Variants in FBXW10 observed in about 807,000 individuals in gnomAD.
The protein encoded by FBXW10 is F-box/WD repeat-containing protein 10.
A neutral mutation model predicts 113.1 loss-of-function variants in FBXW10; 68 were observed. That is an observed-to-expected ratio of 0.60 (90% CI 0.49 to 0.74). The LOEUF (loss-of-function observed/expected upper bound fraction) is 0.74, where lower values mean the gene tolerates loss of function less well. FBXW10 is among the 30% of genes least tolerant of loss of function. The pLI, the probability that FBXW10 is intolerant of heterozygous loss-of-function variation, is 0.00. For synonymous variants in FBXW10, 289 were observed against 481.6 expected (o/e 0.60, Z 5.24); for missense variants, 753 against 1,284.5 (o/e 0.59, Z 6.32).
intron 13 of FBXW10, among the ~76,000 whole-genome samples, chr17:18,777,131 G>A (rs966014121): frequency 6.8e-6 from 1 of 147,536 alleles, no homozygotes; most frequent in Non-Finnish European, 1.5e-5. Context: ...GCGTGATCTC[G>A]GCTCACCGCA....
At chr17:18,754,876 G>A (rs1192493211) in intron 5 of FBXW10, among the ~76,000 whole-genome samples, 1 of 152,232 alleles carries the variant, frequency 6.6e-6, no homozygotes, top group Non-Finnish European at 1.5e-5. Context: ...TACCTTATCT[G>A]TAAAATAATG....
chr17:18,776,409 G>A (rs988568616), intron 13 of FBXW10, among the ~76,000 whole-genome samples: 18 of 152,106 alleles, frequency 1.2e-4, no homozygotes, highest in Admixed American at 9.2e-4. Context: ...AATTTAAAAT[G>A]TCTTTCAAAT....
At chr17:18,757,214 C>A (rs1474677184) in intron 6 of FBXW10, among the ~76,000 whole-genome samples, 2 of 152,132 alleles carry the variant, frequency 1.3e-5, no homozygotes, top group Non-Finnish European at 2.9e-5. Context: ...GAGTGAACCT[C>A]ATTCTGTCGT....
intron 7 of FBXW10, among the ~76,000 whole-genome samples, chr17:18,763,730 A>G (rs536099665): frequency 5.3e-5 from 8 of 152,356 alleles, no homozygotes; most frequent in African/African-American, 1.7e-4. Context: ...TCTCTTAGAT[A>G]TGCTCTATAT....
intron 13 of FBXW10, among the ~76,000 whole-genome samples, chr17:18,775,965 C>T (rs1045983116): frequency 1.3e-5 from 2 of 151,022 alleles, no homozygotes; most frequent in Non-Finnish European, 2.9e-5. Context: ...CTTGACGTTA[C>T]AGTGAGCTAT....
Position 18,749,929 on chromosome 17 carries a change from T to C in FBXW10, c.871+7T>C. On this transcript the variant is annotated splice_region_variant and intron_variant, in intron 3 of 13. Transcript: ENST00000395665. Reference sequence around the variant, plus strand: ...CTCTCCAAGTACATTCTAAGTATGCTGGGGTGTATGAGGGGATTTCCCAGA... The same window carrying C: ...CTCTCCAAGTACATTCTAAGTATGCCGGGGTGTATGAGGGGATTTCCCAGA... The C allele has an allele frequency of 1.2e-6, 2 of 1,613,742 alleles. No homozygotes were observed. The highest frequency in any genetic ancestry group is 1.7e-6 in the Non-Finnish European group (2 of 1,179,924).
In FBXW10 at chr17:18,778,975, C is replaced by T. The variant is rs538699140; in HGVS notation, c.2836C>T (p.Gln946Ter). 6.2e-7 allele frequency: 1 copy of T among 1,605,602 alleles called. No homozygotes were observed. The highest frequency in any genetic ancestry group is 1.4e-5 in the African/African-American group (1 of 73,684). ...VCSTGPLTSMQVIKPNRMLAP... is the reference protein window; with the variant it reads ...VCSTGPLTSM The stretch of plus-strand genomic sequence containing the variant: ...CAGTACGGGTCCCCTGACCAGTATG[C>T]AGGTCATTAAACCAAACCGCATGCT... Residue 946 changes from glutamine to a stop codon, truncating the protein, a stop_gained, in exon 14 of 14, where the codon CAG becomes TAG. Coordinates refer to ENST00000395665, the MANE Select transcript of FBXW10 (RefSeq NM_001267585.2). LOFTEE classifies it high-confidence loss of function.
intron 6 of FBXW10, among the ~76,000 whole-genome samples, 190 bp downstream of exon 6, chr17:18,756,344 A>G (rs1242457908): frequency 6.6e-6 from 1 of 152,260 alleles, no homozygotes; most frequent in East Asian, 1.9e-4. Flanking sequence ...GCAGTGGGTA[A>G]AGGACACTTT....
intron 5 of FBXW10, among the ~76,000 whole-genome samples, chr17:18,751,420 C>T (rs1159723846): frequency 2.2e-4 from 33 of 151,784 alleles, no homozygotes; most frequent in Non-Finnish European, 4.4e-5. Context: ...TTAGTGGAGG[C>T]GGGGTTTCAC....
At position 18,744,755 on chromosome 17, in the gene FBXW10, C is replaced by T; in HGVS notation, c.505+6C>T. On this transcript the variant is annotated splice_donor_region_variant and intron_variant, in intron 1 of 13. Coordinates refer to ENST00000395665, the MANE Select transcript of FBXW10 (RefSeq NM_001267585.2). ...AGAGGAGAACAATATCTCAGGTAAA[C>T]AAGGCCACAGGCAGAGACTAGAGGG... 6.2e-7 allele frequency: 1 copy of T among 1,612,198 alleles called. No homozygotes were observed. The highest frequency in any genetic ancestry group is 1.1e-5 in the South Asian group (1 of 90,976).
At chr17:18,768,007 T>TTTCCTTCCTTCCTTTC (rs2035531091) in intron 9 of FBXW10, among the ~76,000 whole-genome samples, 2 of 84,282 alleles carry the variant, frequency 2.4e-5, no homozygotes, top group Non-Finnish European at 2.8e-5. Flanking sequence ...TATTTTTTCT[T>TTTCCTTCCTTCCTTTC]TTCCTTCCTT....
In FBXW10 at chr17:18,748,215, C is replaced by T. The variant is rs369941747; in HGVS notation, c.670+110C>T. On this transcript the variant is annotated intron_variant, in intron 2 of 13. Coordinates refer to ENST00000395665, the MANE Select transcript of FBXW10 (RefSeq NM_001267585.2). ...CAAGCAGATCATGAGGTCAGGAGAT[C>T]GAGACCATCCTGGCTAACACGGTGA... 862 of 1,502,730 alleles carry T rather than the reference C, an allele frequency of 5.7e-4. 4 individuals are homozygous for T. The African/African-American group carries it at 0.011, about 19-fold the overall frequency. The allele number at this position is 1,502,730 out of a possible 1,614,324, so 93.1% of individuals were successfully genotyped here. A position where few individuals can be genotyped will look rare whatever the true frequency, so the allele number is the denominator to read the frequency against.
At chr17:18,775,951 G>A (rs935729465) in intron 13 of FBXW10, among the ~76,000 whole-genome samples, 3 of 151,954 alleles carry the variant, frequency 2.0e-5, no homozygotes, top group Admixed American at 6.6e-5. Flanking sequence ...TTTGAGTCCA[G>A]GAGCTTGACG....
At chr17:18,749,987 TG>T (rs1328410138) in intron 3 of FBXW10, 22 bp from the exon 4 acceptor site, 1 of 1,613,964 alleles carries the variant, frequency 6.2e-7, no homozygotes, top group African/African-American at 1.3e-5. Flanking sequence ...CTGGGGTTTC[TG>T]GGTCCATCTT....
intron 7 of FBXW10, among the ~76,000 whole-genome samples, chr17:18,760,432 T>A (rs2035356512): frequency 6.6e-6 from 1 of 152,230 alleles, no homozygotes. Context: ...CCAAAGGCCA[T>A]CTGCCAGAGA....
rs369780198 is a variant in FBXW10 at position 18,775,125 on chromosome 17, T to C, written c.2279-11T>C. ...ATAATGACTACAGCTTCTTCCTCAA[T>C]CTCAATTTAGCAGTGTTAATAGAGG... On this transcript the variant is annotated splice_polypyrimidine_tract_variant and intron_variant, in intron 12 of 13. Coordinates refer to ENST00000395665, the MANE Select transcript of FBXW10 (RefSeq NM_001267585.2). 22 of 1,594,722 alleles carry C rather than the reference T, an allele frequency of 1.4e-5. No homozygotes were observed. In the East Asian group the frequency reaches 2.5e-4, roughly 18 times the overall value.
intron 7 of FBXW10, among the ~76,000 whole-genome samples, chr17:18,763,158 A>T (rs866958056): frequency 2.1e-5 from 3 of 142,890 alleles, no homozygotes; most frequent in Non-Finnish European, 3.1e-5. Flanking sequence ...AGTAAGTACA[A>T]TTTTTTTTTT....
At chr17:18,765,929 A>G (rs923429260) in intron 8 of FBXW10, among the ~76,000 whole-genome samples, 8 of 150,670 alleles carry the variant, frequency 5.3e-5, no homozygotes, top group African/African-American at 2.0e-4. Flanking sequence ...GGGTTTCACC[A>G]TGTTGGCTAG....
At position 18,765,604 on chromosome 17, in the gene FBXW10, G is replaced by C. The variant is rs1271667234; in HGVS notation, c.1555+741G>C. Among the ~76,000 whole-genome samples, 3 of 152,316 alleles carry C rather than the reference G, an allele frequency of 2.0e-5. No homozygotes were observed. In the East Asian group the frequency reaches 5.8e-4, roughly 29 times the overall value. On this transcript the variant is annotated intron_variant, in intron 8 of 13. Transcript: ENST00000395665. ...TTAGTGCCATGCAAGTGTCAACTCT[G>C]GTTGTTGTTATATTTTGTCTCAGGC...
Sources: allele counts gnomAD v4.1 joint callset (sites outside exome capture counted in the v4.1 genomes callset), GRCh38; gene constraint gnomAD v4.1.1; transcripts MANE v1.5; gene names NCBI Gene and HGNC (gene_info 2026-07-23, HGNC 2026-07-21).